HIP1: variants seen among roughly 807,000 people sequenced by gnomAD.
The protein encoded by HIP1 is huntingtin-interacting protein 1.
A neutral mutation model predicts 147.6 loss-of-function variants in HIP1; 65 were observed. The ratio of observed to expected loss-of-function variants is 0.44; its 90% confidence interval spans 0.36 to 0.54. HIP1 has a LOEUF of 0.54. HIP1 is among the 20% of genes least tolerant of loss of function. The pLI is 0.00. For missense variants in HIP1, 1,061 were observed against 1,299.6 expected, an observed-to-expected ratio of 0.82 and a Z score of 2.82; for synonymous variants, 479 against 504.0, an observed-to-expected ratio of 0.95 and a Z score of 0.67.
intron 1 of HIP1, among the ~76,000 whole-genome samples, chr7:75,633,158 A>G (rs1191516409): frequency 6.6e-6 from 1 of 151,554 alleles, no homozygotes; most frequent in African/African-American, 2.4e-5. Flanking sequence ...AAGTTGAAGA[A>G]AAAAAAAATA....
chr7:75,719,120 C>T (rs1445273458), intron 1 of HIP1, among the ~76,000 whole-genome samples: 7 of 151,774 alleles, frequency 4.6e-5, no homozygotes, highest in African/African-American at 1.7e-4. Flanking sequence ...GAGTTCAAGG[C>T]CAGCCTGGGC....
At chr7:75,585,778 C>T (rs1162097193) in intron 5 of HIP1, among the ~76,000 whole-genome samples, 2 of 151,952 alleles carry the variant, frequency 1.3e-5, no homozygotes, top group East Asian at 1.9e-4. Flanking sequence ...CGCAGCTGCT[C>T]GCCTCCCCCA....
At chr7:75,675,925 A>G (rs1799872283) in intron 1 of HIP1, among the ~76,000 whole-genome samples, 1 of 152,168 alleles carries the variant, frequency 6.6e-6, no homozygotes, top group Non-Finnish European at 1.5e-5. Flanking sequence ...AAATTGTCGA[A>G]TAATTCCAAC....
intron 5 of HIP1, among the ~76,000 whole-genome samples, chr7:75,584,429 C>G (rs1248152710): frequency 6.6e-6 from 1 of 152,154 alleles, no homozygotes; most frequent in Non-Finnish European, 1.5e-5. Flanking sequence ...AAGTCCTTTG[C>G]TCCTCCACAC....
intron 2 of HIP1, among the ~76,000 whole-genome samples, chr7:75,597,869 C>T (rs183228368): frequency 3.3e-5 from 5 of 152,122 alleles, no homozygotes; most frequent in South Asian, 2.1e-4. Flanking sequence ...GGGGATTAAG[C>T]GCTCCAGTTC....
At position 75,534,171 on chromosome 7, in the gene HIP1, A is replaced by G. The variant is rs1793996877; in HGVS notation, c.*4001T>C. 1.3e-5 allele frequency: 3 copies of G among 228,698 alleles called. No individual in the cohort carries two copies. Among genetic ancestry groups the G allele is most frequent in the Admixed American group, 5.7e-5 (1 of 17,604 alleles). The allele number at this position is 228,698 out of a possible 1,614,324, so 14.2% of individuals were successfully genotyped here. On this transcript the variant is annotated 3_prime_UTR_variant, in exon 31 of 31. Transcript: ENST00000336926. ...AGCCAACTAATCTGACCGGAGCGAC[A>G]TGTACCTGTGATTCCCGTGTTACCT... is the stretch of plus-strand genomic sequence containing the variant.
chr7:75,623,408 C>T (rs587688243), intron 1 of HIP1, among the ~76,000 whole-genome samples: 13 of 152,104 alleles, frequency 8.5e-5, no homozygotes, highest in East Asian at 7.7e-4. Flanking sequence ...CATTTGCATG[C>T]GCATGAGGAG....
chr7:75,537,741 G>A lies in HIP1; in HGVS notation c.*431C>T, dbSNP rs1421556300. ...ATGATGAAACTGAAAAGACTGAGAA[G>A]AAAACAGAAAAGAAAAGGCATAAGA... is the stretch of plus-strand genomic sequence containing the variant. On this transcript the variant is annotated 3_prime_UTR_variant, in exon 31 of 31. Transcript: ENST00000336926. The A allele has an allele frequency of 3.9e-6, 1 of 255,410 alleles. No homozygotes were observed. The highest frequency in any genetic ancestry group is 2.2e-5 in the African/African-American group (1 of 45,738). 15.8% of individuals were successfully genotyped at this position (255,410 alleles called of 1,614,324 possible).
intron 1 of HIP1, among the ~76,000 whole-genome samples, chr7:75,725,638 C>T (rs1554522267): frequency 1.3e-5 from 2 of 152,136 alleles, no homozygotes; most frequent in Non-Finnish European, 2.9e-5. Context: ...CTGTTTGCAG[C>T]GTTCATCCGT....
chr7:75,738,859 C>T lies in HIP1; in HGVS notation c.62G>A (p.Arg21Gln). 1.3e-6 allele frequency: 2 copies of T among 1,584,436 alleles called. No individual in the cohort carries two copies. The highest frequency in any genetic ancestry group is 1.1e-5 in the South Asian group (1 of 86,972). The part of the protein sequence containing the change: ...VPNPLPKVLS[R>Q]RGVGAGLEAA... ...CTCCAGCCCAGCGCCGACCCCGCGC[C>T]GGCTCAGCACCTTGGGCAGTGGGTT... The change falls in exon 1 of 31, where the codon CGG becomes CAG. Residue 21 changes from arginine to glutamine, a missense_variant. Arg to Gln is a conservative substitution (Grantham distance 43). Transcript: ENST00000336926.
At chr7:75,644,207 C>T (rs1199353343) in intron 1 of HIP1, among the ~76,000 whole-genome samples, 9 of 152,086 alleles carry the variant, frequency 5.9e-5, no homozygotes, top group African/African-American at 2.2e-4. Flanking sequence ...ATTAAAGCAC[C>T]CAGCACAGTG....
intron 1 of HIP1, among the ~76,000 whole-genome samples, chr7:75,693,287 T>C (rs1426249437): frequency 7.9e-5 from 12 of 152,284 alleles, no homozygotes; most frequent in African/African-American, 2.6e-4. Context: ...TCCTTTGTTG[T>C]TTTATTTGTA....
chr7:75,648,248 A>G (rs1181329088), intron 1 of HIP1, among the ~76,000 whole-genome samples: 1 of 151,656 alleles, frequency 6.6e-6, no homozygotes, highest in East Asian at 1.9e-4. Flanking sequence ...GAGTAGCTGA[A>G]GCTGGTTGGA....
chr7:75,589,316 TAG>T (rs1554500220), intron 4 of HIP1, among the ~76,000 whole-genome samples: 7 of 151,284 alleles, frequency 4.6e-5, no homozygotes, highest in Non-Finnish European at 8.8e-5. Flanking sequence ...CAAAGACAAA[TAG>T]GTAGAAAAAA....
intron 2 of HIP1, among the ~76,000 whole-genome samples, chr7:75,593,503 G>A (rs1291288027): frequency 6.6e-6 from 1 of 151,824 alleles, no homozygotes; most frequent in Non-Finnish European, 1.5e-5. Context: ...GGCGGTGGGC[G>A]CCTGTAATCC....
In HIP1 at chr7:75,662,601, G is replaced by A. The variant is rs188403880; in HGVS notation, c.121-63354C>T. Among the ~76,000 whole-genome samples, 197 of 152,260 alleles carry A rather than the reference G, an allele frequency of 1.3e-3. 1 individual carries two copies. The East Asian group carries it at 0.03, about 23-fold the overall frequency. ...GCTCACTGCAACCTCCCTCTCCCAG[G>A]TTCAAGTGACTCTCCTGCCTCAACT... On this transcript the variant is annotated intron_variant, in intron 1 of 30. Coordinates refer to ENST00000336926, the MANE Select transcript of HIP1 (RefSeq NM_005338.7).
intron 9 of HIP1, among the ~76,000 whole-genome samples, chr7:75,563,928 T>A (rs587669221): frequency 2.7e-4 from 41 of 152,336 alleles, no homozygotes; most frequent in Non-Finnish European, 5.0e-4. Context: ...GGTCTTGCTC[T>A]GTCACCCAGG....
intron 1 of HIP1, among the ~76,000 whole-genome samples, chr7:75,702,108 TTTTC>T (rs1255121447): frequency 6.6e-6 from 1 of 150,556 alleles, no homozygotes; most frequent in African/African-American, 2.4e-5. Flanking sequence ...TTTTGTATTT[TTTTC>T]TTTCTTTTTT....
At position 75,576,036 on chromosome 7, in the gene HIP1, C is replaced by A. The variant is rs150872582; in HGVS notation, c.605-2135G>T. Among the ~76,000 whole-genome samples, 990 of 152,346 alleles carry A rather than the reference C, an allele frequency of 6.5e-3. 5 individuals carry two copies. The highest frequency in any genetic ancestry group is 0.012 in the Non-Finnish European group (812 of 68,038). On this transcript the variant is annotated intron_variant, in intron 7 of 30. Transcript: ENST00000336926. ...GTCTACCGGCTTCCTCAGGCTCCAA[C>A]TGGCAGGAACCACGGGCTGTTCCAT...
Sources: allele counts gnomAD v4.1 joint callset (sites outside exome capture counted in the v4.1 genomes callset), GRCh38; gene constraint gnomAD v4.1.1; transcripts MANE v1.5; gene names NCBI Gene and HGNC (gene_info 2026-07-23, HGNC 2026-07-21).